Variants in EIPR1 observed in about 807,000 individuals in gnomAD.
EIPR1 encodes EARP complex and GARP complex interacting protein 1.
In EIPR1, 25 loss-of-function variants were observed where a neutral mutation model predicts 48.1. That is an observed-to-expected ratio of 0.52 (90% CI 0.38 to 0.73). The LOEUF (loss-of-function observed/expected upper bound fraction) is 0.73. Ranked by LOEUF, EIPR1 falls within the 30% of genes least tolerant of loss-of-function variation. The probability of loss-of-function intolerance (pLI) is 0.00; values close to 1 mark genes in which losing one functional copy is unlikely to be tolerated. For synonymous variants in EIPR1, 204 were observed against 201.9 expected, an observed-to-expected ratio of 1.01 and a Z score of -0.09; for missense variants, 415 against 506.2, an observed-to-expected ratio of 0.82 and a Z score of 1.73.
At chr2:3,234,111 G>A (rs1666324697) in intron 4 of EIPR1, among the ~76,000 whole-genome samples, 1 of 152,036 alleles carries the variant, frequency 6.6e-6, no homozygotes, top group Non-Finnish European at 1.5e-5. Flanking sequence ...ACAGAGTGAG[G>A]GCGTGGTGTG....
intron 2 of EIPR1, among the ~76,000 whole-genome samples, chr2:3,344,407 C>T (rs1378669648): frequency 1.3e-5 from 2 of 152,222 alleles, no homozygotes; most frequent in Non-Finnish European, 2.9e-5. Context: ...AGTTTCTACT[C>T]TAGTCGGCTT....
intron 3 of EIPR1, among the ~76,000 whole-genome samples, chr2:3,328,538 C>T (rs1364660074): frequency 2.0e-5 from 3 of 147,536 alleles, no homozygotes; most frequent in Admixed American, 6.8e-5. Flanking sequence ...ACCCACCACG[C>T]TCTAATGATC....
At chr2:3,295,764 T>TA (rs1668554177) in intron 3 of EIPR1, among the ~76,000 whole-genome samples, 3 of 127,920 alleles carry the variant, frequency 2.3e-5, no homozygotes, top group African/African-American at 9.1e-5. Context: ...CCGTCCTCTC[T>TA]CTGCACACAC....
intron 4 of EIPR1, among the ~76,000 whole-genome samples, chr2:3,219,972 G>C (rs539920127): frequency 6.6e-6 from 1 of 152,330 alleles, no homozygotes; most frequent in East Asian, 1.9e-4. Context: ...ATTACAGCCT[G>C]AGCTCTGTCT....
intron 3 of EIPR1, among the ~76,000 whole-genome samples, chr2:3,267,454 A>C (rs528479102): frequency 6.6e-6 from 1 of 152,382 alleles, no homozygotes; most frequent in African/African-American, 2.4e-5. Flanking sequence ...GGGTTCTTGG[A>C]GAATGACAGT....
At chr2:3,370,418 C>T (rs896281127) in intron 1 of EIPR1, among the ~76,000 whole-genome samples, 2 of 152,170 alleles carry the variant, frequency 1.3e-5, no homozygotes, top group African/African-American at 2.4e-5. Context: ...GAGAAGAAGG[C>T]TTCAGACGAT....
At chr2:3,248,958 C>T (rs1285014368) in intron 4 of EIPR1, among the ~76,000 whole-genome samples, 2 of 152,234 alleles carry the variant, frequency 1.3e-5, no homozygotes, top group East Asian at 3.9e-4. Flanking sequence ...AACTGTGAGC[C>T]AAATAAACCT....
chr2:3,231,430 A>T (rs1321086889), intron 4 of EIPR1, among the ~76,000 whole-genome samples: 1 of 152,236 alleles, frequency 6.6e-6, no homozygotes, highest in Non-Finnish European at 1.5e-5. Flanking sequence ...TGATATTATA[A>T]GAAAAGCTTA....
rs1665482187 is a variant in EIPR1 at position 3,212,261 on chromosome 2, G to A, written c.516+1888C>T. The stretch of plus-strand genomic sequence containing the variant: ...CATGAAATCCATTTGAGATGACCGA[G>A]GCTCTGAAGATGTGTTCACAGTTTG... On this transcript the variant is annotated intron_variant, in intron 5 of 8. Coordinates refer to ENST00000382125, the MANE Select transcript of EIPR1 (RefSeq NM_003310.5). Among the ~76,000 whole-genome samples, 6 of 152,312 alleles carry A rather than the reference G, an allele frequency of 3.9e-5. 2 individuals carry two copies. The South Asian group carries it at 1.2e-3, about 32-fold the overall frequency.
intron 3 of EIPR1, among the ~76,000 whole-genome samples, chr2:3,294,754 TG>T (rs1668486237): frequency 1.1e-5 from 1 of 88,144 alleles, no homozygotes. Flanking sequence ...TCTATACACA[TG>T]CCTTCCATCC....
At chr2:3,239,962 AAAGCAAAGCCAGCAGAT>A (rs1666541913) in intron 4 of EIPR1, among the ~76,000 whole-genome samples, 1 of 152,188 alleles carries the variant, frequency 6.6e-6, no homozygotes, top group African/African-American at 2.4e-5. Context: ...GACCCTTCCT[AAAGCAAAGCCAGCAGAT>A]CCTTCCCAAG....
At chr2:3,200,767 AG>A (rs779230265) in intron 5 of EIPR1, among the ~76,000 whole-genome samples, 5 of 152,104 alleles carry the variant, frequency 3.3e-5, no homozygotes, top group Admixed American at 6.5e-5. Context: ...TGAGTCTGGT[AG>A]GCTCACCAAG....
At chr2:3,303,923 C>T (rs10175490) in intron 3 of EIPR1, among the ~76,000 whole-genome samples, 51,726 of 152,104 alleles carry the variant, frequency 0.34, 8,937 homozygotes, top group African/African-American at 0.36. Flanking sequence ...CTTATACAGT[C>T]ATATAATTTG....
intron 4 of EIPR1, among the ~76,000 whole-genome samples, chr2:3,254,629 A>G (rs1438221674): frequency 2.6e-5 from 4 of 152,218 alleles, no homozygotes; most frequent in Non-Finnish European, 1.5e-5. Context: ...GGGTGATTCC[A>G]TTTATAGAAC....
intron 3 of EIPR1, among the ~76,000 whole-genome samples, chr2:3,278,680 G>A (rs1208946979): frequency 3.9e-5 from 6 of 152,090 alleles, no homozygotes; most frequent in Admixed American, 1.3e-4. Context: ...AGCTGAGTCC[G>A]CTTCAGGGCC....
intron 2 of EIPR1, among the ~76,000 whole-genome samples, chr2:3,339,637 A>G (rs748002292): frequency 7.2e-5 from 11 of 152,174 alleles, no homozygotes; most frequent in Non-Finnish European, 1.5e-4. Flanking sequence ...AATTCTCCTG[A>G]GACCTGGTCA....
intron 3 of EIPR1, among the ~76,000 whole-genome samples, chr2:3,306,920 G>T (rs368700065): frequency 2.1e-4 from 32 of 152,066 alleles, no homozygotes; most frequent in African/African-American, 7.0e-4. Flanking sequence ...TGCTATTTAG[G>T]ATGTACATAA....
intron 3 of EIPR1, among the ~76,000 whole-genome samples, chr2:3,266,781 G>A (rs1052591105): frequency 6.6e-6 from 1 of 152,226 alleles, no homozygotes; most frequent in African/African-American, 2.4e-5. Context: ...AGCCCAGATG[G>A]AGCTGCAGCA....
intron 4 of EIPR1, among the ~76,000 whole-genome samples, chr2:3,235,290 C>T (rs1033901428): frequency 6.6e-6 from 1 of 152,270 alleles, no homozygotes; most frequent in Non-Finnish European, 1.5e-5. Context: ...ATCCCCTCAG[C>T]TCCTCCCTCT....
Sources: gnomAD v4.1 joint callset for allele counts (sites outside exome capture counted in the v4.1 genomes callset) on GRCh38, gnomAD v4.1.1 for gene constraint, MANE v1.5 for transcripts, NCBI Gene and HGNC (gene_info 2026-07-23, HGNC 2026-07-21) for gene names.